Variants in GTF2E2 observed in about 807,000 individuals in gnomAD.
GTF2E2 encodes transcription initiation factor IIE subunit beta.
In GTF2E2, 21 loss-of-function variants were observed where a neutral mutation model predicts 40.5. The ratio of observed to expected loss-of-function variants is 0.52; its 90% CI spans 0.37 to 0.75. The LOEUF is 0.75. Among genes scored for constraint, GTF2E2 ranks in the 30% least tolerant of loss-of-function variants. The probability of loss-of-function intolerance (pLI) is 0.00; values close to 1 mark genes in which losing one functional copy is unlikely to be tolerated. For missense variants in GTF2E2, 298 were observed against 338.4 expected, an observed-to-expected ratio of 0.88 and a Z score of 0.94; for synonymous variants, 117 against 121.6, an observed-to-expected ratio of 0.96 and a Z score of 0.25.
intron 6 of GTF2E2, among the ~76,000 whole-genome samples, chr8:30,596,099 G>T (rs1828997669): frequency 6.6e-6 from 1 of 152,136 alleles, no homozygotes; most frequent in Non-Finnish European, 1.5e-5. Context: ...ATTTGAATAT[G>T]ATATGCCTCG....
intron 3 of GTF2E2, among the ~76,000 whole-genome samples, chr8:30,628,930 C>CA (rs200464263): frequency 0.03 from 2,087 of 70,402 alleles, 38 homozygotes; most frequent in African/African-American, 0.076. Flanking sequence ...GACTCCGTCT[C>CA]AAAAAAAAAA....
intron 3 of GTF2E2, among the ~76,000 whole-genome samples, chr8:30,619,801 C>T (rs1316900644): frequency 6.6e-6 from 1 of 151,904 alleles, no homozygotes; most frequent in Non-Finnish European, 1.5e-5. Flanking sequence ...TAATGCATAC[C>T]CTCCCTCCAA....
intron 6 of GTF2E2, among the ~76,000 whole-genome samples, chr8:30,591,895 T>A (rs1425573021): frequency 4.0e-5 from 6 of 151,676 alleles, no homozygotes; most frequent in Admixed American, 6.6e-5. Flanking sequence ...AACTGATACA[T>A]GAAAAGTGTA....
At chr8:30,650,247 G>A (rs957141337) in intron 2 of GTF2E2, among the ~76,000 whole-genome samples, 1 of 151,972 alleles carries the variant, frequency 6.6e-6, no homozygotes. Context: ...AACCAAGTAG[G>A]ATTTATTTCA....
At chr8:30,584,886 T>C (rs1279254407) in intron 6 of GTF2E2, 1 of 152,076 alleles carries the variant, frequency 6.6e-6, no homozygotes, top group African/African-American at 2.4e-5. Context: ...ATCTGTAAAG[T>C]GAGGATAATA....
chr8:30,603,458 T>C (rs1330223013), intron 6 of GTF2E2, among the ~76,000 whole-genome samples: 1 of 151,732 alleles, frequency 6.6e-6, no homozygotes, highest in Non-Finnish European at 1.5e-5. Context: ...AAAAAATATA[T>C]AAAATTTTTA....
At chr8:30,647,916 T>A (rs1802150128) in intron 2 of GTF2E2, among the ~76,000 whole-genome samples, 1 of 152,206 alleles carries the variant, frequency 6.6e-6, no homozygotes, top group African/African-American at 2.4e-5. Context: ...GCTTACTACA[T>A]GTCAGCAATT....
chr8:30,594,987 G>C (rs142901948), intron 6 of GTF2E2, among the ~76,000 whole-genome samples: 263 of 152,188 alleles, frequency 1.7e-3, no homozygotes, highest in African/African-American at 6.0e-3. Context: ...CTTCACCACT[G>C]TTTCTATCTG....
intron 2 of GTF2E2, among the ~76,000 whole-genome samples, chr8:30,641,947 T>C (rs142084075): frequency 3.3e-5 from 5 of 152,302 alleles, no homozygotes; most frequent in Admixed American, 6.5e-5. Flanking sequence ...GGTGAAGGCA[T>C]AGGCCACAGC....
At chr8:30,630,119 T>C (rs748892173) in intron 3 of GTF2E2, among the ~76,000 whole-genome samples, 3 of 152,190 alleles carry the variant, frequency 2.0e-5, no homozygotes, top group Non-Finnish European at 4.4e-5. Flanking sequence ...AAATAAACCA[T>C]AAAGTTCCTC....
At chr8:30,649,928 C>G (rs1359840976) in intron 2 of GTF2E2, among the ~76,000 whole-genome samples, 1 of 152,110 alleles carries the variant, frequency 6.6e-6, no homozygotes, top group African/African-American at 2.4e-5. Flanking sequence ...AATAGAAAAT[C>G]TGAGTAAACT....
chr8:30,585,023 T>A (rs1422845362), intron 6 of GTF2E2: 1 of 152,066 alleles, frequency 6.6e-6, no homozygotes, highest in African/African-American at 2.4e-5. Context: ...CCCATCTCTA[T>A]TAAAAATACA....
intron 3 of GTF2E2, among the ~76,000 whole-genome samples, chr8:30,624,001 A>G (rs1585977438): frequency 6.6e-6 from 1 of 151,986 alleles, no homozygotes; most frequent in East Asian, 1.9e-4. Context: ...GCTGTGCAGA[A>G]GCCCTTTAGT....
chr8:30,600,182 C>T (rs746867172), intron 6 of GTF2E2, among the ~76,000 whole-genome samples: 11 of 152,066 alleles, frequency 7.2e-5, no homozygotes, highest in Non-Finnish European at 1.3e-4. Context: ...AAAACCATAA[C>T]GTAACTGCAA....
At chr8:30,610,538 CCTT>C (rs1293682033) in intron 5 of GTF2E2, among the ~76,000 whole-genome samples, 2 of 150,832 alleles carry the variant, frequency 1.3e-5, no homozygotes, top group African/African-American at 4.9e-5. Flanking sequence ...CAGAAATAAA[CCTT>C]CACATATATG....
chr8:30,654,088 CAAAAAAAAAAA>C (rs11307086), intron 1 of GTF2E2, among the ~76,000 whole-genome samples: 5 of 115,344 alleles, frequency 4.3e-5, no homozygotes, highest in Non-Finnish European at 9.2e-5. Flanking sequence ...GACCCTTGTT[CAAAAAAAAAAA>C]AAAAAAAGAA....
chr8:30,592,511 G>A (rs1315518372), intron 6 of GTF2E2, among the ~76,000 whole-genome samples: 1 of 152,162 alleles, frequency 6.6e-6, no homozygotes, highest in Non-Finnish European at 1.5e-5. Context: ...GTATCCATGG[G>A]GGATTGGTTC....
In GTF2E2 at chr8:30,612,327, G is replaced by A; in HGVS notation, c.521C>T (p.Ala174Val). ...GACAGCTTTCTGGGAATTGGGCAGT[G>A]CTTCTTCTATGTCTTCTAAAAGAAT... is the stretch of plus-strand genomic sequence containing the variant. ...GGILLEDIEE[A>V]LPNSQKAVKA... Residue 174 changes from alanine (A) to valine (V), a missense_variant, in exon 5 of 8, where the codon GCA becomes GTA. Transcript: ENST00000355904. 1.2e-6 allele frequency: 2 copies of A among 1,611,666 alleles called. No individual in the cohort carries two copies. The highest frequency in any genetic ancestry group is 1.7e-6 in the Non-Finnish European group (2 of 1,177,910).
At chr8:30,588,302 C>T (rs1828741630) in intron 6 of GTF2E2, among the ~76,000 whole-genome samples, 2 of 151,984 alleles carry the variant, frequency 1.3e-5, no homozygotes. Flanking sequence ...TTACAACAGT[C>T]GAGATAAAGA....
Sources: allele counts gnomAD v4.1 joint callset (sites outside exome capture counted in the v4.1 genomes callset), GRCh38; gene constraint gnomAD v4.1.1; transcripts MANE v1.5; gene names NCBI Gene and HGNC (gene_info 2026-07-23, HGNC 2026-07-21).